Variants in PPP1R12B observed in about 807,000 individuals in gnomAD.
PPP1R12B encodes protein phosphatase 1 regulatory subunit 12B, also known as myosin phosphatase target subunit 2.
In PPP1R12B, 76 loss-of-function variants were observed where a neutral mutation model predicts 126.1. That is an observed-to-expected ratio of 0.60 (90% CI 0.50 to 0.73). The LOEUF is 0.73. Ranked by LOEUF, PPP1R12B falls within the 30% of genes least tolerant of loss-of-function variation. The pLI is 0.00. For synonymous variants in PPP1R12B, 356 were observed against 434.7 expected, an observed-to-expected ratio of 0.82 and a Z score of 2.25; for missense variants, 1,052 against 1,205.1, an observed-to-expected ratio of 0.87 and a Z score of 1.88.
intron 13 of PPP1R12B, among the ~76,000 whole-genome samples, chr1:202,486,183 C>T (rs1678095771): frequency 6.6e-6 from 1 of 151,928 alleles, no homozygotes; most frequent in African/African-American, 2.4e-5. Flanking sequence ...CTCCTGGCTG[C>T]TATTATTTTT....
chr1:202,490,201 T>C (rs776130018), intron 14 of PPP1R12B, among the ~76,000 whole-genome samples: 4 of 152,022 alleles, frequency 2.6e-5, no homozygotes, highest in Non-Finnish European at 4.4e-5. Flanking sequence ...AATCAGAAAA[T>C]AGTAGCAGCA....
Position 202,377,706 on chromosome 1 carries a change from T to C in PPP1R12B, c.291+28564T>C, listed in dbSNP as rs368542035. Among the ~76,000 whole-genome samples the C allele has an allele frequency of 3.9e-5, 6 of 152,142 alleles. No homozygotes were observed. The East Asian group carries it at 9.6e-4, about 24-fold the overall frequency. On this transcript the variant is annotated intron_variant, in intron 1 of 23. Coordinates refer to ENST00000608999, the MANE Select transcript of PPP1R12B (RefSeq NM_002481.4). ...AGATGTACAGTAGCTTATTAGCCTCTAGGGCAATAGTGAAAGGCATCTAAG... is the reference window on the plus strand; with the variant it reads ...AGATGTACAGTAGCTTATTAGCCTCCAGGGCAATAGTGAAAGGCATCTAAG...
chr1:202,451,728 C>T (rs551944094), intron 13 of PPP1R12B, among the ~76,000 whole-genome samples: 5 of 152,178 alleles, frequency 3.3e-5, no homozygotes, highest in Admixed American at 6.5e-5. Flanking sequence ...AGGGGCTCCT[C>T]ACTTCCCAGT....
At chr1:202,487,685 T>A (rs933469123) in intron 13 of PPP1R12B, among the ~76,000 whole-genome samples, 1 of 152,066 alleles carries the variant, frequency 6.6e-6, no homozygotes, top group Non-Finnish European at 1.5e-5. Flanking sequence ...CTCAGCTTAC[T>A]GCAACCTCGG....
chr1:202,511,513 G>A (rs181799360), intron 18 of PPP1R12B, among the ~76,000 whole-genome samples: 50 of 152,034 alleles, frequency 3.3e-4, no homozygotes, highest in Middle Eastern at 3.4e-3. Context: ...CACCGTGCCC[G>A]GCATATGTAG....
chr1:202,496,808 G>C lies in PPP1R12B; in HGVS notation c.2476G>C (p.Val826Leu). 1 of 1,612,464 alleles carries C rather than the reference G, an allele frequency of 6.2e-7. No individual in the cohort carries two copies. Among genetic ancestry groups the C allele is most frequent in the Non-Finnish European group, 8.5e-7 (1 of 1,178,678 alleles). ...DEDETDGSEE[V>L]KETWHERLSR... ...GGATGAAACTGATGGCTCTGAAGAG[G>C]TCAAAGAAACGTGGGTAAGTGACAA... The change falls in exon 18 of 24, where the codon GTC becomes CTC. Residue 826 changes from valine (V) to leucine (L), a missense_variant. Physicochemically the swap from Val to Leu is conservative, Grantham distance 32 (BLOSUM62 1). Transcript: ENST00000608999.
chr1:202,570,669 C>T (rs2149030198), intron 23 of PPP1R12B, among the ~76,000 whole-genome samples: 1 of 152,270 alleles, frequency 6.6e-6, no homozygotes, highest in East Asian at 1.9e-4. Context: ...CCGCTTAGAG[C>T]AGTGAGTTAT....
intron 13 of PPP1R12B, among the ~76,000 whole-genome samples, chr1:202,451,496 T>C (rs528435501): frequency 1.3e-4 from 20 of 149,722 alleles, no homozygotes; most frequent in East Asian, 7.8e-4. Flanking sequence ...GGTAAGGTCA[T>C]AGATCAACAG....
At chr1:202,359,473 C>T (rs1005295572) in intron 1 of PPP1R12B, among the ~76,000 whole-genome samples, 7 of 151,312 alleles carry the variant, frequency 4.6e-5, no homozygotes, top group East Asian at 1.9e-4. Context: ...ATCTCTAGAA[C>T]GTAGAAATTT....
chr1:202,549,619 C>G (rs1197631207), intron 18 of PPP1R12B, among the ~76,000 whole-genome samples: 1 of 151,952 alleles, frequency 6.6e-6, no homozygotes, highest in Admixed American at 6.6e-5. Context: ...GGGGTTTCAC[C>G]GTGTTAGCCA....
chr1:202,357,037 G>T (rs1434875356), intron 1 of PPP1R12B, among the ~76,000 whole-genome samples: 1 of 152,002 alleles, frequency 6.6e-6, no homozygotes, highest in Non-Finnish European at 1.5e-5. Flanking sequence ...GGCCAGGCTG[G>T]TCTCAAACTC....
At chr1:202,442,991 G>A (rs1558234424) in intron 12 of PPP1R12B, 8 of 630,700 alleles carry the variant, frequency 1.3e-5, no homozygotes, top group Non-Finnish European at 1.6e-5. Context: ...TGGGAAATGG[G>A]GACAGTTTTC....
At position 202,440,796 on chromosome 1, in the gene PPP1R12B, T is replaced by G; in HGVS notation, c.1541+8T>G. The stretch of plus-strand genomic sequence containing the variant: ...TGAAGAAAAGGAGAACAGGTAATCC[T>G]AAAACCAGCCAAAAGATGGTCCTCA... On this transcript the variant is annotated splice_region_variant and intron_variant, in intron 11 of 23. Coordinates refer to ENST00000608999, the MANE Select transcript of PPP1R12B (RefSeq NM_002481.4). 6.2e-7 allele frequency: 1 copy of G among 1,609,010 alleles called. No individual in the cohort carries two copies. The highest frequency in any genetic ancestry group is 8.5e-7 in the Non-Finnish European group (1 of 1,175,512).
intron 1 of PPP1R12B, among the ~76,000 whole-genome samples, chr1:202,397,583 G>GAT (rs1352559497): frequency 1.3e-5 from 2 of 152,042 alleles, no homozygotes; most frequent in Non-Finnish European, 2.9e-5. Flanking sequence ...GACACATGGG[G>GAT]ATATATTTAA....
chr1:202,454,954 G>A (rs1423238097), intron 13 of PPP1R12B, among the ~76,000 whole-genome samples: 1 of 152,110 alleles, frequency 6.6e-6, no homozygotes, highest in East Asian at 1.9e-4. Context: ...TCTCCTGGAG[G>A]ATGAAAGAAG....
chr1:202,416,808 G>C lies in PPP1R12B; in HGVS notation c.313G>C (p.Asp105His), dbSNP rs1386553381. Residue 105 changes from aspartate to histidine, a missense_variant, in exon 2 of 24, where the codon GAC becomes CAC. Transcript: ENST00000608999. ...LHQACIDENL[D>H]MVKFLVENRA... ...TCAGGCATGTATTGATGAAAATTTG[G>C]ACATGGTGAAGTTTCTGGTGGAGAA... 4.3e-6 allele frequency: 7 copies of C among 1,613,768 alleles called. No homozygotes were observed. The highest frequency in any genetic ancestry group is 1.7e-5 in the Admixed American group (1 of 59,946).
At chr1:202,564,295 T>C in intron 20 of PPP1R12B, 148 bp from the exon 21 acceptor site, 1 of 472,462 alleles carries the variant, frequency 2.1e-6, no homozygotes, top group Non-Finnish European at 3.8e-6. Context: ...ACCAGTTGGC[T>C]GAATGTACTC....
intron 18 of PPP1R12B, chr1:202,502,178 G>C (rs1414953591): frequency 5.1e-6 from 5 of 984,974 alleles, no homozygotes; most frequent in African/African-American, 3.5e-5. Flanking sequence ...CAGTAGGTCT[G>C]GATTACTAGT....
At chr1:202,505,670 G>A (rs1251090211) in intron 18 of PPP1R12B, among the ~76,000 whole-genome samples, 1 of 152,118 alleles carries the variant, frequency 6.6e-6, no homozygotes. Flanking sequence ...ACAACAGTTT[G>A]TCTAAGTTTA....
Sources: gnomAD v4.1 joint callset for allele counts (sites outside exome capture counted in the v4.1 genomes callset) on GRCh38, gnomAD v4.1.1 for gene constraint, MANE v1.5 for transcripts, NCBI Gene and HGNC (gene_info 2026-07-23, HGNC 2026-07-21) for gene names.